ROBO2: variants seen among roughly 807,000 people sequenced by gnomAD.
ROBO2 encodes the protein roundabout guidance receptor 2.
In ROBO2, 53 loss-of-function variants were observed where a neutral mutation model predicts 160.8. That is an observed-to-expected ratio of 0.33 (90% confidence interval 0.26 to 0.41). The LOEUF is 0.41. Ranked by LOEUF, ROBO2 falls within the 10% of genes least tolerant of loss-of-function variation. The pLI is 1.00. For missense variants in ROBO2, 1,577 were observed against 1,722.4 expected (o/e 0.92, Z 1.49); for synonymous variants, 664 against 611.7 (o/e 1.09, Z -1.26).
At chr3:76,778,465 T>G (rs940227485) in intron 2 of ROBO2, among the ~76,000 whole-genome samples, 7 of 151,034 alleles carry the variant, frequency 4.6e-5, no homozygotes, top group Non-Finnish European at 1.0e-4. Flanking sequence ...CTAGTGTTCT[T>G]GAGTAATTTG....
chr3:76,317,167 A>C (rs1006726235), intron 2 of ROBO2, among the ~76,000 whole-genome samples: 6 of 152,234 alleles, frequency 3.9e-5, no homozygotes, highest in Admixed American at 1.3e-4. Flanking sequence ...CTTTGTTAAC[A>C]TGCAGTCTTG....
At chr3:77,488,960 AATGTTTTC>A (rs770885924) in intron 4 of ROBO2, among the ~76,000 whole-genome samples, 14 of 152,242 alleles carry the variant, frequency 9.2e-5, no homozygotes, top group South Asian at 2.1e-4. Context: ...TTTTTAACAT[AATGTTTTC>A]TGTGGGTAAT....
intron 2 of ROBO2, 145 bp downstream of exon 2, chr3:77,098,485 C>A: frequency 1.2e-6 from 1 of 824,134 alleles, no homozygotes; most frequent in Non-Finnish European, 2.0e-6. Flanking sequence ...GAAGTCTGGT[C>A]AAGATAGTAT....
intron 2 of ROBO2, among the ~76,000 whole-genome samples, chr3:76,491,969 T>G (rs565733874): frequency 4.6e-5 from 7 of 152,086 alleles, no homozygotes; most frequent in African/African-American, 1.7e-4. Flanking sequence ...ATTAGCTGGA[T>G]GTGGTGCATG....
rs564231609 is a variant in ROBO2 at position 76,882,250 on chromosome 3, T to G, written c.110-215764T>G. Among the ~76,000 whole-genome samples, 12 of 152,228 alleles carry G rather than the reference T, an allele frequency of 7.9e-5. No individual in the cohort carries two copies. In the South Asian group the frequency reaches 1.0e-3, roughly 13 times the overall value. ...TGTGGTTGTTAGTTAAAATCCATGT[T>G]TCAAGATGTAAAATCCAATGTTTCA... On this transcript the variant is annotated intron_variant, in intron 2 of 26. Coordinates refer to the ROBO2 transcript ENST00000487694.
At chr3:76,624,292 T>G (rs890671614) in intron 2 of ROBO2, among the ~76,000 whole-genome samples, 4 of 152,242 alleles carry the variant, frequency 2.6e-5, no homozygotes, top group South Asian at 2.1e-4. Context: ...ACCTGGTAAG[T>G]GGTGCTTGTT....
At chr3:76,576,594 T>C (rs2085302481) in intron 2 of ROBO2, among the ~76,000 whole-genome samples, 1 of 151,960 alleles carries the variant, frequency 6.6e-6, no homozygotes, top group Non-Finnish European at 1.5e-5. Context: ...CAAAAGCAGA[T>C]TGAGAATATA....
At chr3:76,516,531 G>A (rs1335659727) in intron 2 of ROBO2, among the ~76,000 whole-genome samples, 4 of 152,098 alleles carry the variant, frequency 2.6e-5, no homozygotes, top group African/African-American at 9.7e-5. Flanking sequence ...TCCTCAATGT[G>A]TCATTGGACT....
intron 2 of ROBO2, among the ~76,000 whole-genome samples, chr3:77,133,842 T>C (rs1052340024): frequency 9.2e-5 from 14 of 152,230 alleles, no homozygotes; most frequent in Non-Finnish European, 1.5e-4. Context: ...TTCTTATCTA[T>C]TTTATTCAGA....
chr3:76,602,978 G>C (rs1157764692), intron 2 of ROBO2, among the ~76,000 whole-genome samples: 2 of 152,078 alleles, frequency 1.3e-5, no homozygotes, highest in Non-Finnish European at 2.9e-5. Context: ...TGCTCTCAAA[G>C]TACTTTAACT....
intron 2 of ROBO2, among the ~76,000 whole-genome samples, chr3:76,268,660 C>G (rs959110070): frequency 6.6e-6 from 1 of 152,082 alleles, no homozygotes; most frequent in Admixed American, 6.6e-5. Flanking sequence ...CAAATAAAGT[C>G]ACGTTTGAAT....
At chr3:76,827,226 C>T (rs1341438160) in intron 2 of ROBO2, among the ~76,000 whole-genome samples, 1 of 152,134 alleles carries the variant, frequency 6.6e-6, no homozygotes, top group African/African-American at 2.4e-5. Context: ...AAAACAAAAG[C>T]TCTTTTGGAC....
intron 2 of ROBO2, among the ~76,000 whole-genome samples, chr3:76,981,686 A>G (rs193193389): frequency 6.6e-6 from 1 of 152,188 alleles, no homozygotes; most frequent in Admixed American, 6.5e-5. Context: ...TAATTTATAA[A>G]GAAAAAAGGT....
intron 2 of ROBO2, among the ~76,000 whole-genome samples, chr3:76,079,911 ATCT>A (rs1452214286): frequency 6.6e-6 from 1 of 152,196 alleles, no homozygotes; most frequent in African/African-American, 2.4e-5. Flanking sequence ...AAATCTTGTA[ATCT>A]GGAAAATGAG....
At chr3:77,538,470 C>T (rs926652111) in intron 6 of ROBO2, among the ~76,000 whole-genome samples, 1 of 151,986 alleles carries the variant, frequency 6.6e-6, no homozygotes, top group African/African-American at 2.4e-5. Context: ...AGCCACCACG[C>T]CTGGCCAATC....
intron 2 of ROBO2, among the ~76,000 whole-genome samples, chr3:75,991,264 G>A (rs1393462302): frequency 1.3e-5 from 2 of 152,144 alleles, no homozygotes. Context: ...GATGACAGTT[G>A]ATATGGTTTG....
chr3:75,948,381 A>G (rs1948402685), intron 2 of ROBO2, among the ~76,000 whole-genome samples: 1 of 152,138 alleles, frequency 6.6e-6, no homozygotes, highest in Non-Finnish European at 1.5e-5. Flanking sequence ...AATGCTAATC[A>G]TGACTCTAAT....
chr3:77,609,233 T>C (rs991899630), intron 21 of ROBO2, among the ~76,000 whole-genome samples: 3 of 152,054 alleles, frequency 2.0e-5, no homozygotes, highest in African/African-American at 7.2e-5. Context: ...ACATTTGAAA[T>C]GGGAAACTAA....
chr3:76,909,210 G>A (rs2075811862), intron 2 of ROBO2, among the ~76,000 whole-genome samples: 1 of 152,240 alleles, frequency 6.6e-6, no homozygotes, highest in South Asian at 2.1e-4. Flanking sequence ...CTCAGTGACA[G>A]GTCTACTTTG....
Sources: allele counts gnomAD v4.1 joint callset (sites outside exome capture counted in the v4.1 genomes callset), GRCh38; gene constraint gnomAD v4.1.1; transcripts MANE v1.5; gene names NCBI Gene and HGNC (gene_info 2026-07-23, HGNC 2026-07-21).